Variants in NCKAP5 observed in about 807,000 individuals in gnomAD.
NCKAP5 encodes nck-associated protein 5.
NCKAP5 carries 92 observed loss-of-function variants against 167.0 expected under a neutral mutation model. That is an observed-to-expected ratio of 0.55 (90% CI 0.47 to 0.66). The LOEUF (loss-of-function observed/expected upper bound fraction) is 0.66, where lower values mean the gene tolerates loss of function less well. NCKAP5 is among the 30% of genes least tolerant of loss of function. The pLI is 0.00. For synonymous variants in NCKAP5, 891 were observed against 877.4 expected, an observed-to-expected ratio of 1.02 and a Z score of -0.27; for missense variants, 2,378 against 2,315.0, an observed-to-expected ratio of 1.03 and a Z score of -0.56.
intron 11 of NCKAP5, among the ~76,000 whole-genome samples, chr2:132,854,758 C>T (rs1689330680): frequency 6.6e-6 from 1 of 152,164 alleles, no homozygotes; most frequent in Non-Finnish European, 1.5e-5. Context: ...CCATGGACTC[C>T]TCAGCACTGA....
At chr2:132,905,133 C>A (rs1693910260) in intron 8 of NCKAP5, among the ~76,000 whole-genome samples, 1 of 152,126 alleles carries the variant, frequency 6.6e-6, no homozygotes, top group South Asian at 2.1e-4. Context: ...CTTTAATCCA[C>A]ATAGGATTTA....
chr2:132,942,843 C>G (rs1014654981), intron 8 of NCKAP5, among the ~76,000 whole-genome samples: 1 of 152,144 alleles, frequency 6.6e-6, no homozygotes, highest in Non-Finnish European at 1.5e-5. Context: ...TTCCTAGGTG[C>G]CTTTTTATCT....
chr2:133,445,606 T>C (rs1691144379), intron 3 of NCKAP5, among the ~76,000 whole-genome samples: 1 of 152,170 alleles, frequency 6.6e-6, no homozygotes, highest in Non-Finnish European at 1.5e-5. Flanking sequence ...AAATTGTTAT[T>C]TGGTCCTTCT....
the NCKAP5 span, among the ~76,000 whole-genome samples, chr2:133,583,512 T>C: frequency 6.6e-6 from 1 of 152,176 alleles, no homozygotes; most frequent in African/African-American, 2.4e-5. Context: ...ATTAAACGTC[T>C]TTTCTTTATA....
At chr2:133,410,887 A>G (rs563001279) in intron 3 of NCKAP5, among the ~76,000 whole-genome samples, 1 of 152,336 alleles carries the variant, frequency 6.6e-6, no homozygotes, top group Admixed American at 6.5e-5. Context: ...CAGAATCTCT[A>G]TGGGGTGAGG....
At chr2:133,203,412 A>C (rs13389988) in intron 5 of NCKAP5, among the ~76,000 whole-genome samples, 3 of 151,716 alleles carry the variant, frequency 2.0e-5, no homozygotes, top group Non-Finnish European at 4.4e-5. Flanking sequence ...AGCGGGGAGG[A>C]ATAGCATTAG....
intron 13 of NCKAP5, 103 bp downstream of exon 13, chr2:132,789,920 G>A: frequency 9.2e-7 from 1 of 1,082,812 alleles, no homozygotes; most frequent in Non-Finnish European, 1.3e-6. Context: ...CTCAGCAAAT[G>A]GTGGCTTCCT....
At chr2:132,684,467 C>T (rs972598577) in intron 19 of NCKAP5, among the ~76,000 whole-genome samples, 4 of 152,194 alleles carry the variant, frequency 2.6e-5, no homozygotes, top group African/African-American at 7.2e-5. Context: ...TCATATTGAT[C>T]GCCCAGCCTT....
At chr2:133,364,744 A>G (rs1685342485) in intron 3 of NCKAP5, among the ~76,000 whole-genome samples, 1 of 150,976 alleles carries the variant, frequency 6.6e-6, no homozygotes, top group South Asian at 2.1e-4. Flanking sequence ...TCGTGAGGTC[A>G]TTGTGTCTTT....
intron 3 of NCKAP5, among the ~76,000 whole-genome samples, chr2:133,397,309 C>T (rs1008794313): frequency 6.6e-6 from 1 of 152,114 alleles, no homozygotes; most frequent in African/African-American, 2.4e-5. Context: ...TGTTTGAATT[C>T]ATCTGGCCAT....
intron 7 of NCKAP5, among the ~76,000 whole-genome samples, chr2:132,985,016 A>G (rs1376395321): frequency 1.3e-5 from 2 of 151,572 alleles, no homozygotes; most frequent in Non-Finnish European, 2.9e-5. Context: ...TGGGTATTCA[A>G]AATAAAGGCT....
chr2:132,764,469 C>G (rs1309920594), intron 16 of NCKAP5, among the ~76,000 whole-genome samples: 1 of 152,168 alleles, frequency 6.6e-6, no homozygotes, highest in Non-Finnish European at 1.5e-5. Context: ...TCAGTGCAGC[C>G]ACAGTGGACA....
At chr2:133,068,071 C>T (rs2080259776) in intron 6 of NCKAP5, among the ~76,000 whole-genome samples, 1 of 152,094 alleles carries the variant, frequency 6.6e-6, no homozygotes, top group African/African-American at 2.4e-5. Context: ...ACCCATATTC[C>T]CAGCAGAGAA....
chr2:133,492,514 C>T (rs1395642156), intron 3 of NCKAP5, among the ~76,000 whole-genome samples: 1 of 152,094 alleles, frequency 6.6e-6, no homozygotes, highest in Non-Finnish European at 1.5e-5. Context: ...CAACACACTC[C>T]AAAAATCGCT....
chr2:133,481,502 G>A (rs1680429149), intron 3 of NCKAP5, among the ~76,000 whole-genome samples: 1 of 152,210 alleles, frequency 6.6e-6, no homozygotes, highest in Non-Finnish European at 1.5e-5. Context: ...TGTCATGGGG[G>A]TTTGTTGTAC....
chr2:133,259,662 A>C (rs2088805843), intron 4 of NCKAP5, among the ~76,000 whole-genome samples: 1 of 152,228 alleles, frequency 6.6e-6, no homozygotes, highest in Admixed American at 6.5e-5. Context: ...ACAGATACAA[A>C]GTCGTGGTGT....
chr2:133,511,655 C>T (rs1683505011), intron 3 of NCKAP5, among the ~76,000 whole-genome samples: 1 of 152,202 alleles, frequency 6.6e-6, no homozygotes, highest in Non-Finnish European at 1.5e-5. Flanking sequence ...AGATGTCACG[C>T]CATCTTCTGA....
chr2:132,766,062 A>T (rs1417791061), intron 16 of NCKAP5, among the ~76,000 whole-genome samples: 2 of 152,012 alleles, frequency 1.3e-5, no homozygotes, highest in Non-Finnish European at 2.9e-5. Context: ...TGGGTGGATC[A>T]CGAGGTAAGG....
intron 5 of NCKAP5, among the ~76,000 whole-genome samples, chr2:133,191,229 T>C (rs1434298640): frequency 6.6e-6 from 1 of 152,104 alleles, no homozygotes; most frequent in Non-Finnish European, 1.5e-5. Flanking sequence ...AGAGAAACTA[T>C]CTCACACCAG....
Sources: gnomAD v4.1 joint callset for allele counts (sites outside exome capture counted in the v4.1 genomes callset) on GRCh38, gnomAD v4.1.1 for gene constraint, MANE v1.5 for transcripts, NCBI Gene and HGNC (gene_info 2026-07-23, HGNC 2026-07-21) for gene names.